The following NEK5 variants were observed in gnomAD, a reference collection of about 807,000 sequenced individuals.
NEK5 encodes the protein serine/threonine-protein kinase Nek5.
In NEK5, 88 loss-of-function variants were observed where a neutral mutation model predicts 109.2. The observed-to-expected ratio is 0.81, with a 90% CI of 0.68 to 0.96. The LOEUF (loss-of-function observed/expected upper bound fraction) is 0.96, where lower values mean the gene tolerates loss of function less well. Among genes scored for constraint, NEK5 ranks in the 40% least tolerant of loss-of-function variants. NEK5 has a pLI of 0.00. For synonymous variants in NEK5, 283 were observed against 299.9 expected, an observed-to-expected ratio of 0.94 and a Z score of 0.58; for missense variants, 834 against 920.7, an observed-to-expected ratio of 0.91 and a Z score of 1.22.
intron 22 of NEK5, among the ~76,000 whole-genome samples, chr13:52,058,404 T>C (rs1954581568): frequency 6.8e-6 from 1 of 146,070 alleles, no homozygotes; most frequent in African/African-American, 2.5e-5. Context: ...TTCAATGCCA[T>C]CCCCATCAAG....
chr13:52,124,945 A>G (rs1275607542), intron 3 of NEK5, among the ~76,000 whole-genome samples: 1 of 152,214 alleles, frequency 6.6e-6, no homozygotes, highest in Non-Finnish European at 1.5e-5. Flanking sequence ...TTCAAGGAAG[A>G]GGAAGAGTCA....
chr13:52,112,251 A>G lies in NEK5; in HGVS notation c.312+17T>C, dbSNP rs373521179. 14 of 1,479,828 alleles carry G rather than the reference A, an allele frequency of 9.5e-6. No homozygotes were observed. The highest frequency in any genetic ancestry group is 1.3e-5 in the Non-Finnish European group (14 of 1,060,806). 91.7% of individuals were successfully genotyped at this position (1,479,828 alleles called of 1,614,324 possible). A position where few individuals can be genotyped will look rare whatever the true frequency, so the allele number is the denominator to read the frequency against. On this transcript the variant is annotated intron_variant, in intron 5 of 23. Coordinates refer to ENST00000684899, the MANE Select transcript of NEK5 (RefSeq NM_001365552.1). ...CCACACATACATAAAATTAAAAAGC[A>G]AATTAGAAGTTTTTACCTGATCTTC... is the stretch of plus-strand genomic sequence containing the variant.
At chr13:52,089,160 G>C in intron 14 of NEK5, 87 bp downstream of exon 14, 1 of 832,602 alleles carries the variant, frequency 1.2e-6, no homozygotes, top group Non-Finnish European at 2.0e-6. Context: ...TGACCTTCTG[G>C]TGGAATGAAC....
rs1954359767 is a variant in NEK5 at position 52,036,133 on chromosome 13, C to G, written c.*815G>C. On this transcript the variant is annotated 3_prime_UTR_variant, in exon 24 of 24. Transcript: ENST00000684899. ...TCCATTTCTTTGCCTTTTCCAGATT[C>G]CAGAGGCTGTCTGAATTCTTAGTTT... The G allele has an allele frequency of 6.6e-6, 1 of 152,136 alleles. No individual in the cohort carries two copies. The highest frequency in any genetic ancestry group is 2.1e-4 in the South Asian group (1 of 4,818). 9.4% of individuals were successfully genotyped at this position (152,136 alleles called of 1,614,324 possible). A position where few individuals can be genotyped will look rare whatever the true frequency, so the allele number is the denominator to read the frequency against.
chr13:52,101,188 G>A (rs955362598), intron 11 of NEK5, among the ~76,000 whole-genome samples: 6 of 152,170 alleles, frequency 3.9e-5, no homozygotes, highest in East Asian at 1.9e-4. Flanking sequence ...CACGAGGTCC[G>A]GAGATCGAGA....
At chr13:52,080,890 A>T (rs1189087756) in intron 17 of NEK5, among the ~76,000 whole-genome samples, 3 of 30,448 alleles carry the variant, frequency 9.9e-5, no homozygotes, top group Non-Finnish European at 3.4e-4. Flanking sequence ...ATGATCAATT[A>T]AAAAAAAAAA....
intron 22 of NEK5, among the ~76,000 whole-genome samples, chr13:52,058,588 C>T (rs1259325159): frequency 3.9e-5 from 6 of 152,252 alleles, no homozygotes; most frequent in Admixed American, 1.3e-4. Flanking sequence ...CAGCATGGTA[C>T]TGCTACCAAA....
chr13:52,106,956 C>A (rs534167280), intron 8 of NEK5, among the ~76,000 whole-genome samples: 8 of 152,158 alleles, frequency 5.3e-5, no homozygotes, highest in African/African-American at 1.9e-4. Flanking sequence ...GACTAGGATT[C>A]CTAGCTCCTA....
intron 8 of NEK5, among the ~76,000 whole-genome samples, chr13:52,105,238 A>AGTGTGTGTGT (rs5803594): frequency 5.4e-5 from 8 of 148,152 alleles, no homozygotes; most frequent in African/African-American, 1.8e-4. Context: ...TTTGTGCATG[A>AGTGTGTGTGT]GTGTGTGTGT....
At chr13:52,056,331 C>G (rs1346702528) in intron 22 of NEK5, among the ~76,000 whole-genome samples, 1 of 152,146 alleles carries the variant, frequency 6.6e-6, no homozygotes, top group Non-Finnish European at 1.5e-5. Flanking sequence ...GACTTAGACT[C>G]TCACACATTA....
chr13:52,127,240 A>T, intron 3 of NEK5, 126 bp downstream of exon 3: 1 of 613,862 alleles, frequency 1.6e-6, no homozygotes, highest in South Asian at 2.0e-5. Flanking sequence ...AGGAGGTTGA[A>T]TTAACAAAAA....
intron 8 of NEK5, among the ~76,000 whole-genome samples, chr13:52,107,589 T>C (rs1955678776): frequency 6.7e-6 from 1 of 148,684 alleles, no homozygotes; most frequent in South Asian, 2.1e-4. Context: ...CAAGACTCTA[T>C]CTCAAAAAAT....
chr13:52,111,635 C>G (rs1955761583), intron 5 of NEK5, among the ~76,000 whole-genome samples: 1 of 152,170 alleles, frequency 6.6e-6, no homozygotes, highest in African/African-American at 2.4e-5. Context: ...AGGCAATGGC[C>G]TTACCATCAA....
chr13:52,073,942 A>C (rs969608424), intron 19 of NEK5, among the ~76,000 whole-genome samples: 2 of 152,222 alleles, frequency 1.3e-5, no homozygotes, highest in African/African-American at 4.8e-5. Context: ...AGATCTCTAC[A>C]AGAAGAGCTA....
At chr13:52,107,137 G>A (rs1955671542) in intron 8 of NEK5, among the ~76,000 whole-genome samples, 1 of 152,132 alleles carries the variant, frequency 6.6e-6, no homozygotes, top group Admixed American at 6.5e-5. Context: ...TTTAAATGAA[G>A]AGAAATGGCT....
rs985795580 is a variant in NEK5, at chr13:52,099,804, C to T, written c.965G>A (p.Arg322Lys). ...PRSRISVPIK[R>K]NAILHRNEWR... ...TTCATTTCTATGCAATATAGCATTC[C>T]TTTTAATTGGCACAGATATCCTTGA... Residue 322 changes from arginine (R) to lysine (K), a missense_variant, in exon 12 of 24, where the codon AGG becomes AAG. Physicochemically the swap from Arg to Lys is conservative, Grantham distance 26. Transcript: ENST00000684899. The T allele has an allele frequency of 6.2e-7, 1 of 1,613,720 alleles. No homozygotes were observed. The highest frequency in any genetic ancestry group is 1.1e-5 in the South Asian group (1 of 91,082).
chr13:52,119,586 T>C (rs1205829377), intron 3 of NEK5, among the ~76,000 whole-genome samples, 171 bp from the exon 4 acceptor site: 1 of 152,220 alleles, frequency 6.6e-6, no homozygotes, highest in Admixed American at 6.5e-5. Flanking sequence ...CAGAGTGCCC[T>C]ACATCTCATC....
At chr13:52,128,816 C>G (rs1029783375) in intron 1 of NEK5, 1 of 152,422 alleles carries the variant, frequency 6.6e-6, no homozygotes, top group African/African-American at 2.4e-5. Context: ...AGTGGCAAGA[C>G]GCTTACCCGT....
chr13:52,064,530 C>T (rs1954656018), intron 21 of NEK5, among the ~76,000 whole-genome samples: 2 of 151,200 alleles, frequency 1.3e-5, no homozygotes, highest in Non-Finnish European at 3.0e-5. Context: ...GCCAGCCGCC[C>T]CGTCCGGGAG....
Sources: allele counts gnomAD v4.1 joint callset (sites outside exome capture counted in the v4.1 genomes callset), GRCh38; gene constraint gnomAD v4.1.1; transcripts MANE v1.5; gene names NCBI Gene and HGNC (gene_info 2026-07-23, HGNC 2026-07-21).